The following DOCK7 variants were observed in gnomAD, a reference collection of about 807,000 sequenced individuals.
DOCK7 encodes the protein dedicator of cytokinesis protein 7.
A neutral mutation model predicts 271.0 loss-of-function variants in DOCK7; 138 were observed. The ratio of observed to expected loss-of-function variants is 0.51; its 90% CI spans 0.44 to 0.59. DOCK7 has a LOEUF of 0.59. DOCK7 is among the 20% of genes least tolerant of loss of function. The probability of loss-of-function intolerance (pLI) is 0.00; values close to 1 mark genes in which losing one functional copy is unlikely to be tolerated. For missense variants in DOCK7, 2,066 were observed against 2,592.4 expected (o/e 0.80, Z 4.41); for synonymous variants, 823 against 876.1 (o/e 0.94, Z 1.07).
intron 1 of DOCK7, among the ~76,000 whole-genome samples, chr1:62,681,660 A>C (rs1048178430): frequency 6.6e-6 from 1 of 152,096 alleles, no homozygotes; most frequent in Non-Finnish European, 1.5e-5. Flanking sequence ...TTTGTATAGG[A>C]GTGTTCATGG....
At chr1:62,493,603 A>G (rs1162121802) in intron 40 of DOCK7, among the ~76,000 whole-genome samples, 2 of 152,204 alleles carry the variant, frequency 1.3e-5, no homozygotes, top group East Asian at 3.8e-4. Context: ...CAGTTAATTC[A>G]ACAGCAATTG....
intron 8 of DOCK7, chr1:62,635,492 G>A (rs1655148987): frequency 2.0e-5 from 3 of 150,674 alleles, no homozygotes; most frequent in South Asian, 2.1e-4. Flanking sequence ...AGCCGAGATC[G>A]CGCCACTACA....
chr1:62,684,891 G>C (rs1205880433), intron 1 of DOCK7, among the ~76,000 whole-genome samples: 2 of 152,168 alleles, frequency 1.3e-5, no homozygotes, highest in African/African-American at 4.8e-5. Flanking sequence ...TGCACTAAAT[G>C]CAAGGGGCTA....
intron 8 of DOCK7, among the ~76,000 whole-genome samples, chr1:62,635,972 T>TA (rs1655216662): frequency 1.3e-5 from 2 of 151,988 alleles, no homozygotes; most frequent in Non-Finnish European, 2.9e-5. Flanking sequence ...AGAAATGTTG[T>TA]AAAATAACCT....
At chr1:62,485,332 G>C in intron 43 of DOCK7, 1 of 985,160 alleles carries the variant, frequency 1.0e-6, no homozygotes, top group Non-Finnish European at 1.2e-6. Context: ...CTAAGTTTTA[G>C]AGTTATCTTT....
At chr1:62,556,605 G>A (rs1025194279) in intron 20 of DOCK7, among the ~76,000 whole-genome samples, 1 of 151,480 alleles carries the variant, frequency 6.6e-6, no homozygotes, top group Non-Finnish European at 1.5e-5. Flanking sequence ...ATACCTACTC[G>A]GTCACTCAAG....
chr1:62,517,616 C>A (rs1049048378), intron 31 of DOCK7, among the ~76,000 whole-genome samples: 1 of 151,808 alleles, frequency 6.6e-6, no homozygotes, highest in African/African-American at 2.4e-5. Flanking sequence ...AACAAAAAAA[C>A]CACCTCCATT....
At chr1:62,463,986 AC>A (rs1645602704) in intron 48 of DOCK7, among the ~76,000 whole-genome samples, 1 of 152,324 alleles carries the variant, frequency 6.6e-6, no homozygotes, top group Admixed American at 6.5e-5. Context: ...TTAATGAAAA[AC>A]GTTTTAAAAA....
chr1:62,509,577 T>G (rs985803051), intron 34 of DOCK7, among the ~76,000 whole-genome samples: 1 of 151,832 alleles, frequency 6.6e-6, no homozygotes, highest in Non-Finnish European at 1.5e-5. Context: ...AAATAACACA[T>G]GTAGAAAAAC....
chr1:62,539,831 C>T lies in DOCK7; in HGVS notation c.3107G>A (p.Arg1036His), dbSNP rs776880304. The T allele has an allele frequency of 8.1e-6, 13 of 1,613,446 alleles. No individual in the cohort carries two copies. The highest frequency in any genetic ancestry group is 4.5e-5 in the East Asian group (2 of 44,826). The change falls in exon 26 of 50, where the codon CGT becomes CAT. Residue 1036 changes from arginine (R) to histidine (H), a missense_variant. Transcript: ENST00000635253. Reference protein sequence around the residue: ...NDKLEAPRKSRFPERFMDDIA... With the variant: ...NDKLEAPRKSHFPERFMDDIA... ...GTCATCCATGAAACGTTCTGGAAAA[C>T]GACTTTTCCTTGGAGCCTCAAGTTT...
chr1:62,606,315 T>TA lies in DOCK7; in HGVS notation c.1682+12390dup, dbSNP rs546315183. On this transcript the variant is annotated intron_variant, in intron 14 of 49. Transcript: ENST00000635253. ...AGTTGCTTCCTCTATTTGGTTTCCT[T>TA]AAAAAAAAAAAAAACTCTCATAGGA... Among the ~76,000 whole-genome samples, 739 of 139,240 alleles carry TA rather than the reference T, an allele frequency of 5.3e-3. 3 individuals are homozygous for TA. The highest frequency in any genetic ancestry group is 0.023 in the South Asian group (99 of 4,308). The allele number at this position is 139,240 out of a possible 152,430, so 91.3% of individuals were successfully genotyped here. A position where few individuals can be genotyped will look rare whatever the true frequency, so the allele number is the denominator to read the frequency against.
At chr1:62,481,666 C>T (rs1646130630) in intron 43 of DOCK7, 1 of 152,154 alleles carries the variant, frequency 6.6e-6, no homozygotes. Context: ...CTTATTCTTC[C>T]TTAGCGATTC....
intron 18 of DOCK7, among the ~76,000 whole-genome samples, chr1:62,576,417 G>A (rs1223836678): frequency 1.3e-5 from 2 of 152,174 alleles, no homozygotes; most frequent in African/African-American, 4.8e-5. Context: ...TGCACTTTTC[G>A]TGTGTAAGGA....
intron 18 of DOCK7, among the ~76,000 whole-genome samples, chr1:62,574,507 T>C (rs557171614): frequency 6.6e-6 from 1 of 152,116 alleles, no homozygotes; most frequent in African/African-American, 2.4e-5. Flanking sequence ...GAGGAATTAA[T>C]AGAAGAAGAC....
intron 42 of DOCK7, 71 bp downstream of exon 42, chr1:62,488,862 AG>A: frequency 6.3e-7 from 1 of 1,575,380 alleles, no homozygotes; most frequent in South Asian, 1.1e-5. Context: ...GTTTGACATC[AG>A]TGCAAAACAA....
At chr1:62,536,782 G>A (rs1045182914) in intron 28 of DOCK7, among the ~76,000 whole-genome samples, 2 of 152,088 alleles carry the variant, frequency 1.3e-5, no homozygotes, top group African/African-American at 4.8e-5. Context: ...TAGAAATTAA[G>A]AGCTTAAAAA....
chr1:62,504,667 A>T lies in DOCK7; in HGVS notation c.4727T>A (p.Leu1576His). The change falls in exon 37 of 50, where the codon CTT becomes CAT. Residue 1576 changes from leucine (L) to histidine (H), a missense_variant. By Grantham distance (99) the Leu-to-His change is moderately conservative. This residue lies in a region of DOCK7 where 652 missense variants were observed against 922.1 expected (regional missense o/e 0.71). Transcript: ENST00000635253. ...GTIRSHASAS[L>H]YLLMRQNFEI... ...AAAGTTTTGCCTCATTAGTAGGTAA[A>T]GGGAGGCACTGGCGTGTGACCGTAT... 1 of 1,613,752 alleles carries T rather than the reference A, an allele frequency of 6.2e-7. No individual in the cohort carries two copies. The highest frequency in any genetic ancestry group is 8.5e-7 in the Non-Finnish European group (1 of 1,179,900).
chr1:62,552,411 T>A (rs1645937822), intron 22 of DOCK7, among the ~76,000 whole-genome samples: 1 of 152,232 alleles, frequency 6.6e-6, no homozygotes, highest in Non-Finnish European at 1.5e-5. Flanking sequence ...CTTCTACATA[T>A]CAGTCACAGA....
chr1:62,671,702 C>G (rs1660022622), intron 1 of DOCK7, among the ~76,000 whole-genome samples: 1 of 152,030 alleles, frequency 6.6e-6, no homozygotes, highest in South Asian at 2.1e-4. Context: ...TAGTCTCAGT[C>G]TAGTTGAGAT....
Sources: allele counts gnomAD v4.1 joint callset (sites outside exome capture counted in the v4.1 genomes callset), GRCh38; gene constraint gnomAD v4.1.1; regional missense constraint gnomAD v4.1.1; transcripts MANE v1.5; gene names NCBI Gene and HGNC (gene_info 2026-07-23, HGNC 2026-07-21).